The following TJP1 variants were observed in gnomAD, a reference collection of about 807,000 sequenced individuals.
The protein encoded by TJP1 is tight junction protein ZO-1.
TJP1 carries 43 observed loss-of-function variants against 194.2 expected under a neutral mutation model. That is an observed-to-expected ratio of 0.22 (90% confidence interval 0.17 to 0.29). TJP1 has a LOEUF of 0.29. Among genes scored for constraint, TJP1 ranks in the 10% least tolerant of loss-of-function variants. TJP1 has a pLI of 1.00. For synonymous variants in TJP1, 801 were observed against 779.0 expected (o/e 1.03, Z -0.47); for missense variants, 1,971 against 2,185.7 (o/e 0.90, Z 1.96).
intron 8 of TJP1, among the ~76,000 whole-genome samples, chr15:29,745,501 G>A (rs2044712555): frequency 6.6e-6 from 1 of 152,146 alleles, no homozygotes; most frequent in African/African-American, 2.4e-5. Flanking sequence ...AAGTAGGATA[G>A]AAATTCGGAA....
Position 29,862,471 on chromosome 15 carries a change from A to C in TJP1, c.307-61769T>G, listed in dbSNP as rs184584275. On this transcript the variant is annotated intron_variant, in intron 2 of 28. Transcript: ENST00000356107. ...TTCTAGGCAAAACAAACAAAAAAAA[A>C]CCCCTCGTATACAAAAGCCTCTCAG... 6.5e-3 allele frequency among the ~76,000 whole-genome samples: 980 copies of C among 151,878 alleles called. 3 individuals are homozygous for C. Among genetic ancestry groups the C allele is most frequent in the African/African-American group, 0.022 (931 of 41,410 alleles).
chr15:29,887,181 T>C (rs930224388), intron 2 of TJP1, among the ~76,000 whole-genome samples: 1 of 151,610 alleles, frequency 6.6e-6, no homozygotes, highest in Non-Finnish European at 1.5e-5. Context: ...TGATTCTATA[T>C]GGTGAAATAT....
chr15:29,956,452 C>G (rs1328657976), intron 1 of TJP1: 1 of 1,177,824 alleles, frequency 8.5e-7, no homozygotes, highest in Non-Finnish European at 1.1e-6. Flanking sequence ...TCAAAGGCAG[C>G]TTTGGAAATG....
In TJP1 at chr15:29,701,602, T is replaced by C. The variant is rs373931213; in HGVS notation, c.5300A>G (p.His1767Arg). Residue 1767 changes from histidine to arginine, a missense_variant, in exon 28 of 28, where the codon CAC (histidine) becomes CGC (arginine). His to Arg is a conservative substitution (Grantham distance 29). Around this residue, in one of 5 missense-constraint regions of TJP1, gnomAD observed 1,108 missense variants for 1,128.5 expected, o/e 0.98. Coordinates refer to ENST00000614355, the MANE Select transcript of TJP1 (RefSeq NM_001330239.4). Reference protein sequence around the residue: ...GANCVSVLIDHF With the variant: ...GANCVSVLIDRF ...GTTCCTATATTTCAAGAGTTAAAAG[T>C]GGTCAATAAGGACAGAAACACAGTT... is the stretch of plus-strand genomic sequence containing the variant. The C allele has an allele frequency of 1.9e-6, 3 of 1,613,016 alleles. No individual in the cohort carries two copies. The Admixed American group carries it at 5.0e-5, about 27-fold the overall frequency.
intron 1 of TJP1, among the ~76,000 whole-genome samples, chr15:29,802,864 G>A (rs1406437923): frequency 6.6e-6 from 1 of 152,132 alleles, no homozygotes; most frequent in South Asian, 2.1e-4. Flanking sequence ...GGCAAGTGAT[G>A]TGATAACATG....
At chr15:29,870,030 T>C (rs58179409) in intron 2 of TJP1, among the ~76,000 whole-genome samples, 172 of 151,944 alleles carry the variant, frequency 1.1e-3, no homozygotes, top group African/African-American at 3.9e-3. Context: ...ACTCACCATG[T>C]TGGCCAGACT....
chr15:29,739,433 G>T (rs918375022), intron 10 of TJP1, among the ~76,000 whole-genome samples: 1 of 152,116 alleles, frequency 6.6e-6, no homozygotes, highest in Non-Finnish European at 1.5e-5. Context: ...AGGGAAGGAG[G>T]TCTCTGGAAT....
intron 2 of TJP1, among the ~76,000 whole-genome samples, chr15:29,949,391 A>T (rs1401672767): frequency 7.6e-6 from 1 of 131,026 alleles, no homozygotes; most frequent in Non-Finnish European, 1.7e-5. Context: ...TACCTCCACC[A>T]CCACCACCTC....
chr15:29,803,649 T>C (rs2048928655), intron 1 of TJP1, among the ~76,000 whole-genome samples: 2 of 152,156 alleles, frequency 1.3e-5, no homozygotes, highest in African/African-American at 4.8e-5. Flanking sequence ...ATGTTCTTAT[T>C]GTTAATTATA....
chr15:29,919,482 G>T (rs147397607), intron 2 of TJP1, among the ~76,000 whole-genome samples: 45 of 152,302 alleles, frequency 3.0e-4, no homozygotes, highest in African/African-American at 8.4e-4. Flanking sequence ...TTCCTGTCCT[G>T]GTGCAGTTTT....
chr15:29,933,517 A>G (rs1392522299), intron 2 of TJP1, among the ~76,000 whole-genome samples: 1 of 152,214 alleles, frequency 6.6e-6, no homozygotes, highest in Non-Finnish European at 1.5e-5. Flanking sequence ...AGGAGAATGA[A>G]TCCTAAGAAA....
intron 26 of TJP1, 33 bp downstream of exon 26, chr15:29,705,495 A>G: frequency 6.2e-7 from 1 of 1,607,110 alleles, no homozygotes; most frequent in Non-Finnish European, 8.5e-7. Flanking sequence ...CTCTTAAGTT[A>G]TCAAAACTAA....
intron 24 of TJP1, among the ~76,000 whole-genome samples, chr15:29,709,827 G>A (rs943809796): frequency 1.3e-5 from 2 of 152,134 alleles, no homozygotes; most frequent in African/African-American, 4.8e-5. Context: ...GTTTATTGGA[G>A]GTCCTGGCCA....
chr15:29,844,022 G>A (rs1309578144), intron 2 of TJP1, among the ~76,000 whole-genome samples: 2 of 152,180 alleles, frequency 1.3e-5, no homozygotes, highest in African/African-American at 4.8e-5. Context: ...GGGCTAGGGT[G>A]GGCAGAGCAC....
chr15:29,966,719 C>G (rs962111925), intron 1 of TJP1, among the ~76,000 whole-genome samples: 1 of 151,878 alleles, frequency 6.6e-6, no homozygotes, highest in Non-Finnish European at 1.5e-5. Context: ...ATGCAACTTA[C>G]ATTTTAGTGA....
intron 2 of TJP1, among the ~76,000 whole-genome samples, chr15:29,853,968 C>G (rs1371774481): frequency 6.6e-6 from 1 of 152,138 alleles, no homozygotes; most frequent in Non-Finnish European, 1.5e-5. Context: ...TATACTTTCA[C>G]CGCATCACCA....
chr15:29,784,531 T>G (rs2047576241), intron 2 of TJP1, among the ~76,000 whole-genome samples: 1 of 152,120 alleles, frequency 6.6e-6, no homozygotes, highest in Non-Finnish European at 1.5e-5. Context: ...CTCGAACTCC[T>G]GACCTCAGGT....
At chr15:29,880,812 A>G (rs1444859410) in intron 2 of TJP1, among the ~76,000 whole-genome samples, 2 of 152,208 alleles carry the variant, frequency 1.3e-5, no homozygotes, top group Non-Finnish European at 2.9e-5. Flanking sequence ...CATTGTACGT[A>G]TATATCACAT....
chr15:29,949,590 CCACAACCACCACCTCCACCTT>C (rs1567225489), intron 2 of TJP1, among the ~76,000 whole-genome samples: 3 of 126,338 alleles, frequency 2.4e-5, no homozygotes, highest in African/African-American at 8.6e-5. Flanking sequence ...ACCTCCACCT[CCACAACCACCACCTCCACCTT>C]CACCACCACC....
Sources: gnomAD v4.1 joint callset for allele counts (sites outside exome capture counted in the v4.1 genomes callset) on GRCh38, gnomAD v4.1.1 for gene constraint, gnomAD v4.1.1 regional missense constraint, MANE v1.5 for transcripts, NCBI Gene and HGNC (gene_info 2026-07-23, HGNC 2026-07-21) for gene names.